FRMD8: variants seen among roughly 807,000 people sequenced by gnomAD.
The protein encoded by FRMD8 is FERM domain containing 8, also known as FERM domain-containing protein 8.
In FRMD8, 37 loss-of-function variants were observed where a neutral mutation model predicts 54.2. That is an observed-to-expected ratio of 0.68 (90% CI 0.53 to 0.90). The LOEUF (loss-of-function observed/expected upper bound fraction) is 0.90, where lower values mean the gene tolerates loss of function less well. FRMD8 is among the 40% of genes least tolerant of loss of function. The pLI, the probability that FRMD8 is intolerant of heterozygous loss-of-function variation, is 0.00. For missense variants in FRMD8, 585 were observed against 653.7 expected (o/e 0.89, Z 1.15); for synonymous variants, 246 against 286.9 (o/e 0.86, Z 1.44).
chr11:65,395,959 A>G (rs1050530379), intron 6 of FRMD8, among the ~76,000 whole-genome samples: 6 of 151,994 alleles, frequency 3.9e-5, no homozygotes, highest in Non-Finnish European at 8.8e-5. Context: ...ACCTGGGCCC[A>G]TCTCCTGGGC....
intron 10 of FRMD8, 32 bp from the exon 11 acceptor site, chr11:65,411,210 T>C (rs758364468): frequency 6.4e-7 from 1 of 1,561,768 alleles, no homozygotes; most frequent in Non-Finnish European, 8.7e-7. Context: ...GGACAGCGCC[T>C]CTGCTCAGTG....
At chr11:65,396,648 C>T (rs1855961228) in intron 6 of FRMD8, 151 bp from the exon 7 acceptor site, 2 of 506,434 alleles carry the variant, frequency 3.9e-6, no homozygotes, top group South Asian at 6.5e-5. Context: ...TGTCTGGTGC[C>T]TGGGTCTCCC....
chr11:65,399,772 C>T lies in FRMD8; in HGVS notation c.840C>T (p.Ala280=), dbSNP rs1284370535. Residue 280 remains alanine, a synonymous_variant, in exon 8 of 11, where the codon GCC becomes GCT. Coordinates refer to ENST00000317568, the MANE Select transcript of FRMD8 (RefSeq NM_031904.5). ...TCCACGGTGAGGTTGACAAGCCGGC[C>T]CAAGGCTTTTTGCACCGGGGTGGGC... ...AFFHGEVDKP[A]QGFLHRGGRK... is the part of the protein sequence containing the mutation. The T allele has an allele frequency of 1.2e-6, 2 of 1,614,006 alleles. No individual in the cohort carries two copies. The highest frequency in any genetic ancestry group is 1.7e-6 in the Non-Finnish European group (2 of 1,180,002).
In FRMD8 at chr11:65,400,812, A is replaced by G. The variant is rs780013767; in HGVS notation, c.1016A>G (p.Asp339Gly). ...EEEPILWLEF[D>G]GDSEGTPVNK... The stretch of plus-strand genomic sequence containing the variant: ...GAGCCCATCTTGTGGCTGGAGTTCG[A>G]CGGGGACAGCGAGGGCACACCTGTC... The change falls in exon 9 of 11, where the codon GAC becomes GGC. Residue 339 changes from aspartate (D) to glycine (G), a missense_variant. Coordinates refer to ENST00000317568, the MANE Select transcript of FRMD8 (RefSeq NM_031904.5). This position sits in a 1 kb window ranked among gnomAD's most constrained non-coding sequence, Gnocchi z 4.3. 6.2e-7 allele frequency: 1 copy of G among 1,612,828 alleles called. No homozygotes were observed.
intron 3 of FRMD8, among the ~76,000 whole-genome samples, chr11:65,389,762 C>T (rs1339915683): frequency 3.3e-5 from 5 of 152,280 alleles, no homozygotes; most frequent in East Asian, 1.9e-4. Context: ...GGAGTGGACA[C>T]GCCTGCCCCC....
intron 3 of FRMD8, among the ~76,000 whole-genome samples, chr11:65,391,346 G>A (rs1855842150): frequency 6.6e-6 from 1 of 152,182 alleles, no homozygotes; most frequent in Non-Finnish European, 1.5e-5. Context: ...GCTGTAGGCA[G>A]CAGGAAGGAC....
At chr11:65,376,605 G>A in the FRMD8 span, 38 of 1,614,064 alleles carry the variant, frequency 2.4e-5, no homozygotes, top group African/African-American at 6.7e-5. Context: ...ACTTGATCAT[G>A]TCTAAGGGCG....
intron 10 of FRMD8, among the ~76,000 whole-genome samples, chr11:65,406,469 C>T (rs1394797870): frequency 2.0e-5 from 3 of 151,834 alleles, no homozygotes; most frequent in Non-Finnish European, 4.4e-5. Context: ...GCTGGGATTA[C>T]AGGTGTGAGC....
intron 9 of FRMD8, among the ~76,000 whole-genome samples, chr11:65,402,146 C>G (rs956607244): frequency 6.6e-6 from 1 of 151,834 alleles, no homozygotes; most frequent in Admixed American, 6.6e-5. Flanking sequence ...GCTCAGAGCT[C>G]AAGACCAGCC....
chr11:65,399,821 A>G lies in FRMD8; in HGVS notation c.889A>G (p.Ser297Gly), dbSNP rs140066865. Residue 297 changes from serine (S) to glycine (G), a missense_variant, in exon 8 of 11, where the codon AGT becomes GGT. Transcript: ENST00000317568. ...GCGCAAGCCAGTTTCTGTGGCCATC[A>G]GTCTGGAAGGCGTGCACGTCATCGA... ...GGRKPVSVAI[S>G]LEGVHVIDSR... is the part of the protein sequence containing the mutation. 37 of 1,614,026 alleles carry G rather than the reference A, an allele frequency of 2.3e-5. No individual in the cohort carries two copies. The highest frequency in any genetic ancestry group is 3.3e-5 in the Admixed American group (2 of 59,996).
At chr11:65,380,210 C>T in the FRMD8 span, 1 of 1,614,008 alleles carries the variant, frequency 6.2e-7, no homozygotes, top group Admixed American at 1.7e-5. Flanking sequence ...AGTGAGGGCC[C>T]TCGTGCCAGG....
chr11:65,379,487 G>T, the FRMD8 span: 1 of 1,614,130 alleles, frequency 6.2e-7, no homozygotes, highest in South Asian at 1.1e-5. Context: ...TGTTGCTATA[G>T]ACCCCAAACA....
At chr11:65,402,816 CT>C (rs926102011) in intron 9 of FRMD8, among the ~76,000 whole-genome samples, 62 of 145,572 alleles carry the variant, frequency 4.3e-4, no homozygotes, top group Admixed American at 1.2e-3. Flanking sequence ...TTATCCATTT[CT>C]TTTTTTTTTT....
At position 65,389,539 on chromosome 11, in the gene FRMD8, G is replaced by T. The variant is rs992420123; in HGVS notation, c.253+11G>T. On this transcript the variant is annotated intron_variant, in intron 3 of 10. Transcript: ENST00000317568. ...TCTCCCCTCTGCTGGGTAAGGCTTG[G>T]CAGTGAGGAGCCCAGGCTGGAGGGT... The T allele has an allele frequency of 1.9e-6, 3 of 1,560,348 alleles. No individual in the cohort carries two copies. The highest frequency in any genetic ancestry group is 4.8e-5 in the East Asian group (2 of 42,070).
At chr11:65,385,588 C>T (rs1485868870), upstream of FRMD8, among the ~76,000 whole-genome samples, 2 of 152,156 alleles carry the variant, frequency 1.3e-5, no homozygotes, top group African/African-American at 4.8e-5. Flanking sequence ...ATCTCAGATG[C>T]ACACATGTTG....
intron 10 of FRMD8, among the ~76,000 whole-genome samples, chr11:65,408,810 A>G (rs887390333): frequency 6.6e-5 from 10 of 151,718 alleles, no homozygotes; most frequent in African/African-American, 1.7e-4. Flanking sequence ...GCGTCTCACT[A>G]TGTTGCCCAG....
the FRMD8 span, chr11:65,368,064 T>A: frequency 5.0e-5 from 7 of 140,696 alleles, no homozygotes; most frequent in African/African-American, 1.8e-4. Flanking sequence ...GGGATTTTTT[T>A]TGGTGTTTTT....
At chr11:65,379,428 G>A in the FRMD8 span, 166 of 1,613,216 alleles carry the variant, frequency 1.0e-4, no homozygotes, top group Non-Finnish European at 1.3e-4. Flanking sequence ...GTAGCTGGGC[G>A]GCTGGGCCCG....
At chr11:65,376,579 T>C in the FRMD8 span, 3 of 1,614,092 alleles carry the variant, frequency 1.9e-6, no homozygotes, top group South Asian at 3.3e-5. Flanking sequence ...TCTCAGTCCA[T>C]CCATCTGCAT....
Sources: gnomAD v4.1 joint callset for allele counts (sites outside exome capture counted in the v4.1 genomes callset) on GRCh38, gnomAD v4.1.1 for gene constraint, Gnocchi (gnomAD v3.1) non-coding constraint, MANE v1.5 for transcripts, NCBI Gene and HGNC (gene_info 2026-07-23, HGNC 2026-07-21) for gene names.